MCF2L: variants seen among roughly 807,000 people sequenced by gnomAD.
MCF2L encodes guanine nucleotide exchange factor DBS.
A neutral mutation model predicts 153.4 loss-of-function variants in MCF2L; 97 were observed. The observed-to-expected ratio is 0.63, with a 90% CI of 0.54 to 0.75. The LOEUF is 0.75. Ranked by LOEUF, MCF2L falls within the 30% of genes least tolerant of loss-of-function variation. The pLI is 0.00. For missense variants in MCF2L, 1,347 were observed against 1,495.2 expected (o/e 0.90, Z 1.64); for synonymous variants, 659 against 632.2 (o/e 1.04, Z -0.64).
intron 2 of MCF2L, among the ~76,000 whole-genome samples, chr13:112,913,921 A>G (rs2081262251): frequency 6.6e-6 from 1 of 152,144 alleles, no homozygotes; most frequent in Non-Finnish European, 1.5e-5. Context: ...CGTTGGGACT[A>G]TGTTCTTTTC....
chr13:113,052,876 C>T (rs1248234921), intron 4 of MCF2L: 1 of 152,090 alleles, frequency 6.6e-6, no homozygotes. Context: ...CAGACACACA[C>T]ATATATATAC....
rs980219229 is a variant in MCF2L at position 113,028,393 on chromosome 13, G to A, written c.278+3635G>A. 8.5e-5 allele frequency among the ~76,000 whole-genome samples: 13 copies of A among 152,178 alleles called. No homozygotes were observed. The highest frequency in any genetic ancestry group is 3.1e-4 in the African/African-American group (13 of 41,436). Reference sequence around the variant, plus strand: ...TTCTGGAACCTTCCATGGCCTCCTTGCTGCTGCCCCACTTGTCTGTCTGCT... The same window carrying A: ...TTCTGGAACCTTCCATGGCCTCCTTACTGCTGCCCCACTTGTCTGTCTGCT... On this transcript the variant is annotated intron_variant, in intron 3 of 29. Transcript: ENST00000535094. The surrounding 1 kb of genome is among the most constrained non-coding windows in gnomAD (Gnocchi z 5.4).
At chr13:113,087,496 C>A in intron 22 of MCF2L, 40 bp downstream of exon 22, 1 of 1,498,572 alleles carries the variant, frequency 6.7e-7, no homozygotes, top group Non-Finnish European at 9.1e-7. Context: ...CTCCTGGCCA[C>A]AGACCCCGAC....
intron 2 of MCF2L, among the ~76,000 whole-genome samples, chr13:112,935,807 A>G (rs1358260994): frequency 6.6e-6 from 1 of 152,198 alleles, no homozygotes; most frequent in Non-Finnish European, 1.5e-5. Context: ...CTAGGCCAAT[A>G]TGACTAGTAT....
chr13:113,098,639 G>C lies in MCF2L; in HGVS notation c.*1780G>C, dbSNP rs1337857740. ...CTGTGCTTGCACATGGTAAGTCATT[G>C]TTGGGACGGAAAAGAAGCCGGCAGT... On this transcript the variant is annotated 3_prime_UTR_variant, in exon 30 of 30. Transcript: ENST00000535094. 7 of 152,300 alleles carry C rather than the reference G, an allele frequency of 4.6e-5. No individual in the cohort carries two copies. The highest frequency in any genetic ancestry group is 1.3e-4 in the Admixed American group (2 of 15,290). 9.4% of individuals were successfully genotyped at this position (152,300 alleles called of 1,614,324 possible). A position where few individuals can be genotyped will look rare whatever the true frequency, so the allele number is the denominator to read the frequency against.
chr13:113,002,940 T>G (rs183730731), intron 1 of MCF2L, among the ~76,000 whole-genome samples: 1 of 151,352 alleles, frequency 6.6e-6, no homozygotes, highest in East Asian at 1.9e-4. Flanking sequence ...AGGCCAAGGC[T>G]AGAGGATCGC....
At chr13:112,944,766 G>A (rs1157473753) in intron 2 of MCF2L, among the ~76,000 whole-genome samples, 1 of 152,088 alleles carries the variant, frequency 6.6e-6, no homozygotes, top group Non-Finnish European at 1.5e-5. Context: ...GATTACAGGC[G>A]TGAGCCACCG....
chr13:112,959,063 TGGTAGTGGTATTGC>T (rs2081793621), intron 2 of MCF2L, among the ~76,000 whole-genome samples: 1 of 152,240 alleles, frequency 6.6e-6, no homozygotes, highest in African/African-American at 2.4e-5. Flanking sequence ...CCCAAATGCC[TGGTAGTGGTATTGC>T]GGATAAATGT....
chr13:113,047,736 C>T (rs2086904911), intron 4 of MCF2L, among the ~76,000 whole-genome samples: 1 of 152,254 alleles, frequency 6.6e-6, no homozygotes, highest in African/African-American at 2.4e-5. Flanking sequence ...CACAGCCCGT[C>T]CCTCACACGG....
At chr13:113,093,370 G>T (rs1012710668) in intron 26 of MCF2L, among the ~76,000 whole-genome samples, 1 of 152,256 alleles carries the variant, frequency 6.6e-6, no homozygotes. Context: ...ACCCGGGTGG[G>T]GTGGAAGGAG....
At chr13:113,083,876 T>G in intron 17 of MCF2L, 122 bp from the exon 18 acceptor site, 1 of 767,126 alleles carries the variant, frequency 1.3e-6, no homozygotes, top group East Asian at 2.4e-5. Flanking sequence ...CTCCAAGTCA[T>G]GCGGGGCAGA....
intron 1 of MCF2L, among the ~76,000 whole-genome samples, chr13:113,007,514 G>A (rs2083786054): frequency 6.6e-6 from 1 of 152,214 alleles, no homozygotes; most frequent in Non-Finnish European, 1.5e-5. Context: ...AGATCAAATT[G>A]CAATCCGTGT....
intron 1 of MCF2L, among the ~76,000 whole-genome samples, chr13:112,895,564 AG>A (rs1446610790): frequency 2.0e-5 from 3 of 152,080 alleles, no homozygotes; most frequent in African/African-American, 7.2e-5. Context: ...CGAGGGGTCC[AG>A]GGCTGGTCGT....
At chr13:112,999,862 G>A (rs1163732610) in intron 1 of MCF2L, among the ~76,000 whole-genome samples, 5 of 152,238 alleles carry the variant, frequency 3.3e-5, no homozygotes, top group East Asian at 3.8e-4. Context: ...CATTAGAGTC[G>A]GCTGGGAATG....
intron 2 of MCF2L, among the ~76,000 whole-genome samples, chr13:112,912,311 T>C (rs1289114374): frequency 6.6e-6 from 1 of 151,734 alleles, no homozygotes; most frequent in Non-Finnish European, 1.5e-5. Context: ...CTTAAATCTA[T>C]TAATTTATTC....
chr13:113,065,948 C>T (rs2032291812), intron 7 of MCF2L, 98 bp from the exon 8 acceptor site: 1 of 1,333,882 alleles, frequency 7.5e-7, no homozygotes, highest in Non-Finnish European at 1.0e-6. Context: ...CTTCCTCAGT[C>T]CCCGCCCCCT....
At chr13:113,009,818 G>C (rs2083959608) in intron 1 of MCF2L, 1 of 152,346 alleles carries the variant, frequency 6.6e-6, no homozygotes. Flanking sequence ...ATGATCTGGT[G>C]ACGTAATCCC....
intron 26 of MCF2L, chr13:113,089,989 G>A: frequency 3.1e-6 from 5 of 1,601,964 alleles, no homozygotes; most frequent in East Asian, 2.2e-5. Flanking sequence ...GCCGCCTTGG[G>A]CCCTCCCTGC....
intron 4 of MCF2L, among the ~76,000 whole-genome samples, chr13:113,050,726 CGGGGGGGGCGGGGGG>C (rs2087221416): frequency 4.8e-5 from 2 of 41,550 alleles, no homozygotes; most frequent in African/African-American, 2.6e-4. Flanking sequence ...GGGGCGGGGG[CGGGGGGGGCGGGGGG>C]AGCGGGGGGG....
Sources: allele counts gnomAD v4.1 joint callset (sites outside exome capture counted in the v4.1 genomes callset), GRCh38; gene constraint gnomAD v4.1.1; non-coding constraint Gnocchi (gnomAD v3.1); transcripts MANE v1.5; gene names NCBI Gene and HGNC (gene_info 2026-07-23, HGNC 2026-07-21).